Variants in NFATC3 observed in about 807,000 individuals in gnomAD.
NFATC3 encodes the protein nuclear factor of activated T cells 3, also known as nuclear factor of activated T-cells, cytoplasmic 3.
A neutral mutation model predicts 98.6 loss-of-function variants in NFATC3; 46 were observed. That is an observed-to-expected ratio of 0.47 (90% CI 0.37 to 0.60). NFATC3 has a LOEUF of 0.60. Among genes scored for constraint, NFATC3 ranks in the 20% least tolerant of loss-of-function variants. The pLI is 0.00. For missense variants in NFATC3, 1,256 were observed against 1,295.5 expected (o/e 0.97, Z 0.47); for synonymous variants, 512 against 472.2 (o/e 1.08, Z -1.09).
rs930638482 is a variant in NFATC3 at position 68,217,843 on chromosome 16, T to C, written c.3107-8507T>C. The C allele has an allele frequency of 4.1e-6, 5 of 1,230,200 alleles. No homozygotes were observed. In the South Asian group the frequency reaches 1.2e-4, roughly 31 times the overall value. The allele number at this position is 1,230,200 out of a possible 1,614,324, so 76.2% of individuals were successfully genotyped here. A position where few individuals can be genotyped will look rare whatever the true frequency, so the allele number is the denominator to read the frequency against. On this transcript the variant is annotated intron_variant, in intron 9 of 9. Transcript: ENST00000346183. ...GTACATCGCTTTTGCTCACATTTCATTGAAGAAAACGAATTGCATGGGCCA... is the reference window on the plus strand; with the variant it reads ...GTACATCGCTTTTGCTCACATTTCACTGAAGAAAACGAATTGCATGGGCCA...
intron 1 of NFATC3, among the ~76,000 whole-genome samples, chr16:68,118,846 T>A (rs1297980411): frequency 1.3e-5 from 2 of 152,306 alleles, no homozygotes; most frequent in South Asian, 2.1e-4. Flanking sequence ...TTTCAGAAAT[T>A]CAGAAAATTT....
intron 9 of NFATC3, among the ~76,000 whole-genome samples, chr16:68,196,725 A>G (rs1567545156): frequency 1.3e-5 from 2 of 152,074 alleles, no homozygotes; most frequent in Non-Finnish European, 2.9e-5. Flanking sequence ...CTTTTAATGT[A>G]AATCCATAAA....
At chr16:68,141,541 A>G (rs1425413783) in intron 3 of NFATC3, among the ~76,000 whole-genome samples, 1 of 152,004 alleles carries the variant, frequency 6.6e-6, no homozygotes, top group Non-Finnish European at 1.5e-5. Context: ...TGTGGTTTTA[A>G]TTTGCATTTA....
Position 68,192,223 on chromosome 16 carries a change from A to AT in NFATC3, c.3106+448_3106+449insT, listed in dbSNP as rs1435967038. The AT allele has an allele frequency of 7.4e-4, 58 of 78,564 alleles. 2 individuals carry two copies. The highest frequency in any genetic ancestry group is 5.3e-3 in the East Asian group (7 of 1,316). 4.9% of individuals were successfully genotyped at this position (78,564 alleles called of 1,614,324 possible). A position where few individuals can be genotyped will look rare whatever the true frequency, so the allele number is the denominator to read the frequency against. Reference sequence around the variant, plus strand: ...ACTCCGTCTCGGGAAAAAAAAAAAAAAAAAAAAATATATATATATATATAT... The same window carrying AT: ...ACTCCGTCTCGGGAAAAAAAAAAAAATAAAAAAAATATATATATATATATAT... On this transcript the variant is annotated intron_variant, in intron 9 of 9. Coordinates refer to ENST00000346183, the MANE Select transcript of NFATC3 (RefSeq NM_173165.3).
chr16:68,111,582 C>T (rs1166952311), intron 1 of NFATC3, among the ~76,000 whole-genome samples: 1 of 152,028 alleles, frequency 6.6e-6, no homozygotes, highest in Non-Finnish European at 1.5e-5. Context: ...AGCCAGCTAA[C>T]CATTTTGTGT....
chr16:68,226,988 A>C lies in NFATC3; in HGVS notation c.*517A>C, dbSNP rs1598644516. On this transcript the variant is annotated 3_prime_UTR_variant, in exon 10 of 10. Coordinates refer to ENST00000346183, the MANE Select transcript of NFATC3 (RefSeq NM_173165.3). ...TCCCAAGCCCACACCTATGCCTCAG[A>C]AAGTCAGCATGTGTCCTGAAGACGT... 6.6e-6 allele frequency: 1 copy of C among 152,030 alleles called. No homozygotes were observed. Among genetic ancestry groups the C allele is most frequent in the African/African-American group, 2.4e-5 (1 of 41,520 alleles). The allele number at this position is 152,030 out of a possible 1,614,324, so 9.4% of individuals were successfully genotyped here.
intron 2 of NFATC3, among the ~76,000 whole-genome samples, chr16:68,124,059 A>G: frequency 6.6e-6 from 1 of 152,126 alleles, no homozygotes; most frequent in East Asian, 1.9e-4. Flanking sequence ...TGATTAGAAA[A>G]GACAACTTTT....
At chr16:68,186,414 C>T (rs1408985397) in intron 8 of NFATC3, among the ~76,000 whole-genome samples, 1 of 152,048 alleles carries the variant, frequency 6.6e-6, no homozygotes. Flanking sequence ...GTGTCGTGAG[C>T]CTGTAGTCCC....
intron 3 of NFATC3, among the ~76,000 whole-genome samples, chr16:68,144,219 T>A (rs978616182): frequency 6.6e-6 from 1 of 152,052 alleles, no homozygotes; most frequent in Non-Finnish European, 1.5e-5. Context: ...AAATGCAAAT[T>A]AAAACCACAT....
rs550193620 is a variant in NFATC3, at chr16:68,129,668, C to T, written c.1401+3058C>T. ...TCCTCCCACCTTGCCCGCTGCTCCC[C>T]GCCTTTTTTTTTTTTTTTTTTTTTT... On this transcript the variant is annotated intron_variant, in intron 3 of 9. Coordinates refer to ENST00000346183, the MANE Select transcript of NFATC3 (RefSeq NM_173165.3). Among the ~76,000 whole-genome samples the T allele has an allele frequency of 5.4e-3, 804 of 148,680 alleles. 12 individuals are homozygous for T. Among genetic ancestry groups the T allele is most frequent in the African/African-American group, 0.019 (763 of 40,234 alleles).
intron 9 of NFATC3, chr16:68,214,337 A>G (rs2041545529): frequency 6.2e-7 from 1 of 1,614,106 alleles, no homozygotes; most frequent in Admixed American, 1.7e-5. Flanking sequence ...AGACCAATTT[A>G]TATCTGACTT....
chr16:68,167,104 G>T (rs1598487455), intron 5 of NFATC3, 89 bp downstream of exon 5: 2 of 1,298,566 alleles, frequency 1.5e-6, no homozygotes, highest in Admixed American at 2.2e-5. Context: ...CGTCTGAAGT[G>T]CAAACTGAGG....
intron 1 of NFATC3, among the ~76,000 whole-genome samples, chr16:68,113,720 T>C (rs546395066): frequency 6.6e-6 from 1 of 152,130 alleles, no homozygotes; most frequent in Non-Finnish European, 1.5e-5. Flanking sequence ...CCCCTACCCG[T>C]AGAGGCTCCT....
At chr16:68,212,785 C>CTTTTTTTTT (rs534732425) in intron 9 of NFATC3, 1 of 106,930 alleles carries the variant, frequency 9.4e-6, no homozygotes, top group African/African-American at 3.8e-5. Flanking sequence ...ATTTCTTTCT[C>CTTTTTTTTT]TTTTTTTTTT....
chr16:68,173,321 C>T (rs918592172), intron 5 of NFATC3, among the ~76,000 whole-genome samples: 1 of 152,026 alleles, frequency 6.6e-6, no homozygotes, highest in Non-Finnish European at 1.5e-5. Flanking sequence ...AATCCCAGCA[C>T]TTTGGGAGGC....
At chr16:68,150,435 A>AT (rs2038258061) in intron 3 of NFATC3, among the ~76,000 whole-genome samples, 1 of 147,432 alleles carries the variant, frequency 6.8e-6, no homozygotes, top group Admixed American at 6.7e-5. Context: ...AAAAAAAAAA[A>AT]GCTAGGTTTG....
intron 5 of NFATC3, among the ~76,000 whole-genome samples, chr16:68,172,188 G>C (rs993383603): frequency 2.6e-5 from 4 of 152,162 alleles, no homozygotes; most frequent in African/African-American, 9.7e-5. Context: ...GAATCGGGCT[G>C]GCGTCCCAAT....
At chr16:68,189,299 G>T in intron 8 of NFATC3, 1 of 189,416 alleles carries the variant, frequency 5.3e-6, no homozygotes, top group East Asian at 1.2e-4. Context: ...TCCTTGACTT[G>T]GGTAGAGTGA....
chr16:68,160,422 G>T (rs898963368), intron 4 of NFATC3, among the ~76,000 whole-genome samples: 1 of 151,952 alleles, frequency 6.6e-6, no homozygotes, highest in Non-Finnish European at 1.5e-5. Flanking sequence ...CCCAGATTGC[G>T]CCATTGCACT....
Sources: allele counts gnomAD v4.1 joint callset (sites outside exome capture counted in the v4.1 genomes callset), GRCh38; gene constraint gnomAD v4.1.1; transcripts MANE v1.5; gene names NCBI Gene and HGNC (gene_info 2026-07-23, HGNC 2026-07-21).